Variants in DHX33 observed in about 807,000 individuals in gnomAD.
DHX33 encodes DEAH-box helicase 33.
A neutral mutation model predicts 72.5 loss-of-function variants in DHX33; 42 were observed. That is an observed-to-expected ratio of 0.58 (90% CI 0.45 to 0.75). DHX33 has a LOEUF of 0.75. DHX33 is among the 30% of genes least tolerant of loss of function. The pLI is 0.00. For missense variants in DHX33, 842 were observed against 917.5 expected (o/e 0.92, Z 1.06); for synonymous variants, 358 against 366.1 (o/e 0.98, Z 0.25).
chr17:5,455,740 C>T (rs1039334292), intron 5 of DHX33, among the ~76,000 whole-genome samples: 26 of 152,210 alleles, frequency 1.7e-4, no homozygotes, highest in African/African-American at 6.3e-4. Flanking sequence ...TATGCTGGTC[C>T]TTAGAAGTCA....
intron 6 of DHX33, 33 bp downstream of exon 6, chr17:5,455,127 C>A: frequency 6.4e-7 from 1 of 1,566,104 alleles, no homozygotes; most frequent in Middle Eastern, 1.7e-4. Context: ...TCACTAGACA[C>A]AGGAGAGACA....
chr17:5,453,774 G>C, intron 7 of DHX33, 47 bp downstream of exon 7: 4 of 1,613,084 alleles, frequency 2.5e-6, no homozygotes, highest in Non-Finnish European at 3.4e-6. Flanking sequence ...GCAAGCAGGA[G>C]AGACATGGTG....
intron 4 of DHX33, 27 bp downstream of exon 4, chr17:5,460,912 T>A: frequency 6.3e-7 from 1 of 1,592,054 alleles, no homozygotes; most frequent in Non-Finnish European, 8.6e-7. Flanking sequence ...AAGAGAACTT[T>A]TCAGGAATTT....
chr17:5,453,508 T>C, intron 8 of DHX33, 72 bp downstream of exon 8: 1 of 1,239,772 alleles, frequency 8.1e-7, no homozygotes, highest in Non-Finnish European at 1.2e-6. Context: ...TATACTTTAT[T>C]TTTTTGGAAG....
rs1916586831 is a variant in DHX33 at position 5,444,868 on chromosome 17, C to T, written c.1816-355G>A. ...AAAGGCCCTTCCCTCTCGCTTTGAC[C>T]ATCTCACCATCTCCTCACTCCGATT... On this transcript the variant is annotated intron_variant, in intron 11 of 11. Transcript: ENST00000225296. This position sits in a 1 kb window ranked among gnomAD's most constrained non-coding sequence, Gnocchi z 4.9. 6.6e-6 allele frequency among the ~76,000 whole-genome samples: 1 copy of T among 152,134 alleles called. No individual in the cohort carries two copies. The highest frequency in any genetic ancestry group is 2.4e-5 in the African/African-American group (1 of 41,422).
Position 5,441,321 on chromosome 17 carries a change from C to T in DHX33, c.*2884G>A, listed in dbSNP as rs1425598074. On this transcript the variant is annotated 3_prime_UTR_variant, in exon 12 of 12. Transcript: ENST00000225296. ...AGGACCTGCTGTTTGCAGTCCTGCC[C>T]CTTGTAGTGTTACTCTGGGTGTTGC... 6.6e-6 allele frequency: 1 copy of T among 152,136 alleles called. No individual in the cohort carries two copies. The highest frequency in any genetic ancestry group is 1.5e-5 in the Non-Finnish European group (1 of 68,034). 9.4% of individuals were successfully genotyped at this position (152,136 alleles called of 1,614,324 possible). A position where few individuals can be genotyped will look rare whatever the true frequency, so the allele number is the denominator to read the frequency against.
Position 5,444,042 on chromosome 17 carries a change from T to C in DHX33, c.*163A>G. ...AAATGATATGTCCATGTCTATATGG[T>C]TCAGTCCCAGGAGTTGAGCAAAGAT... On this transcript the variant is annotated 3_prime_UTR_variant, in exon 12 of 12. Transcript: ENST00000225296. The surrounding 1 kb of genome is among the most constrained non-coding windows in gnomAD (Gnocchi z 4.9). 1.3e-6 allele frequency: 1 copy of C among 748,620 alleles called. No homozygotes were observed. Among genetic ancestry groups the C allele is most frequent in the South Asian group, 1.9e-5 (1 of 52,162 alleles). The allele number at this position is 748,620 out of a possible 1,614,324, so 46.4% of individuals were successfully genotyped here.
At chr17:5,452,969 G>A (rs1485714453) in intron 8 of DHX33, among the ~76,000 whole-genome samples, 3 of 152,136 alleles carry the variant, frequency 2.0e-5, no homozygotes, top group African/African-American at 4.8e-5. Flanking sequence ...AAAGGAAAAT[G>A]GTGCGTTGAT....
Position 5,460,989 on chromosome 17 carries a change from G to A in DHX33, c.799C>T (p.Gln267Ter). Residue 267 changes from glutamine (Q) to a stop codon, truncating the protein, a stop_gained, in exon 4 of 12, where the codon CAG becomes TAG. Transcript: ENST00000225296. LOFTEE classifies it high-confidence loss of function. ...AGCGCGGCGTGCAGGTAATCATTCT[G>A]AGGCTGTTTGGTGTAAAACACCTGG... ...PIQVFYTKQP[Q>*]NDYLHAALVS... The A allele has an allele frequency of 6.2e-7, 1 of 1,614,124 alleles. No homozygotes were observed. Among genetic ancestry groups the A allele is most frequent in the Non-Finnish European group, 8.5e-7 (1 of 1,179,998 alleles).
intron 4 of DHX33, among the ~76,000 whole-genome samples, chr17:5,457,202 G>A (rs1904358978): frequency 6.6e-6 from 1 of 152,218 alleles, no homozygotes; most frequent in Non-Finnish European, 1.5e-5. Flanking sequence ...CAGCTACTCA[G>A]GAGGCTGAGG....
At chr17:5,446,576 T>C (rs775759632) in intron 11 of DHX33, among the ~76,000 whole-genome samples, 3 of 152,144 alleles carry the variant, frequency 2.0e-5, no homozygotes, top group Admixed American at 6.5e-5. Flanking sequence ...GGCAGCCACA[T>C]AAAAAGTACT....
chr17:5,458,898 T>G (rs1021837896), intron 4 of DHX33, among the ~76,000 whole-genome samples: 1 of 152,214 alleles, frequency 6.6e-6, no homozygotes, highest in Non-Finnish European at 1.5e-5. Context: ...ATGCATCACT[T>G]ATTTTAAAAT....
chr17:5,447,853 C>T, intron 11 of DHX33, among the ~76,000 whole-genome samples: 1 of 152,046 alleles, frequency 6.6e-6, no homozygotes, highest in Non-Finnish European at 1.5e-5. Context: ...ACATGCAGCA[C>T]TGAAAGCCCA....
rs200552463 is a variant in DHX33 at position 5,456,189 on chromosome 17, A to C, written c.850-7T>G. The C allele has an allele frequency of 2.5e-4, 405 of 1,613,284 alleles. 1 individual carries two copies. Among genetic ancestry groups the C allele is most frequent in the Non-Finnish European group, 3.9e-5 (46 of 1,179,454 alleles). ...CCTGTGAAGAAGGGGCTTCCTGTAA[A>C]AAAAGTAGAGTGGGTTTACTAGGCA... On this transcript the variant is annotated splice_region_variant and splice_polypyrimidine_tract_variant and intron_variant, in intron 4 of 11. Coordinates refer to ENST00000225296, the MANE Select transcript of DHX33 (RefSeq NM_020162.4).
At chr17:5,445,011 G>A (rs979877279) in intron 11 of DHX33, among the ~76,000 whole-genome samples, 18 of 151,892 alleles carry the variant, frequency 1.2e-4, no homozygotes, top group Admixed American at 9.2e-4. Flanking sequence ...CAAACTTCCC[G>A]TGGTGAAGCC....
chr17:5,456,570 G>C (rs1904335249), intron 4 of DHX33, among the ~76,000 whole-genome samples: 1 of 152,166 alleles, frequency 6.6e-6, no homozygotes, highest in African/African-American at 2.4e-5. Flanking sequence ...CTGGGCGACA[G>C]AACGAGAACC....
At chr17:5,456,601 CA>C (rs1230309046) in intron 4 of DHX33, among the ~76,000 whole-genome samples, 3 of 152,080 alleles carry the variant, frequency 2.0e-5, no homozygotes, top group Non-Finnish European at 2.9e-5. Flanking sequence ...ACACAAAAAA[CA>C]AAACTGTAAT....
In DHX33 at chr17:5,448,741, C is replaced by G. The variant is rs191141341; in HGVS notation, c.1815+68G>C. The G allele has an allele frequency of 5.6e-4, 708 of 1,272,670 alleles. 7 individuals carry two copies. Among genetic ancestry groups the G allele is most frequent in the Admixed American group, 1.0e-3 (38 of 38,150 alleles). 78.8% of individuals were successfully genotyped at this position (1,272,670 alleles called of 1,614,324 possible). A position where few individuals can be genotyped will look rare whatever the true frequency, so the allele number is the denominator to read the frequency against. On this transcript the variant is annotated intron_variant, in intron 11 of 11. Transcript: ENST00000225296. ...TTTTATAATCACTAGCAATAAGCAA[C>G]TTCAAAATTTCTACCTTGAACAAAG...
chr17:5,457,263 G>T (rs1024071694), intron 4 of DHX33, among the ~76,000 whole-genome samples: 46 of 152,038 alleles, frequency 3.0e-4, no homozygotes, highest in African/African-American at 1.0e-3. Flanking sequence ...AGCCGAGATT[G>T]CATCACTGCA....
Sources: allele counts gnomAD v4.1 joint callset (sites outside exome capture counted in the v4.1 genomes callset), GRCh38; gene constraint gnomAD v4.1.1; non-coding constraint Gnocchi (gnomAD v3.1); transcripts MANE v1.5; gene names NCBI Gene and HGNC (gene_info 2026-07-23, HGNC 2026-07-21).